AK5: variants seen among roughly 807,000 people sequenced by gnomAD.
The protein encoded by AK5 is adenylate kinase 5.
AK5 carries 27 observed loss-of-function variants against 69.5 expected under a neutral mutation model. The ratio of observed to expected loss-of-function variants is 0.39; its 90% CI spans 0.29 to 0.54. The LOEUF (loss-of-function observed/expected upper bound fraction) is 0.54, where lower values mean the gene tolerates loss of function less well. AK5 is among the 20% of genes least tolerant of loss of function. The probability of loss-of-function intolerance (pLI) is 0.71; values close to 1 mark genes in which losing one functional copy is unlikely to be tolerated. For synonymous variants in AK5, 260 were observed against 244.4 expected, an observed-to-expected ratio of 1.06 and a Z score of -0.60; for missense variants, 531 against 700.4, an observed-to-expected ratio of 0.76 and a Z score of 2.73.
chr1:77,369,190 CAAG>C (rs1647074118), intron 6 of AK5, among the ~76,000 whole-genome samples: 1 of 152,032 alleles, frequency 6.6e-6, no homozygotes, highest in African/African-American at 2.4e-5. Flanking sequence ...TCAGAAAGCT[CAAG>C]TTCAGGGAGG....
intron 10 of AK5, among the ~76,000 whole-genome samples, chr1:77,499,188 C>T (rs1230032457): frequency 6.6e-6 from 1 of 152,226 alleles, no homozygotes; most frequent in Admixed American, 6.5e-5. Flanking sequence ...TCCTTTCCAA[C>T]TTGCTCCAGG....
intron 10 of AK5, among the ~76,000 whole-genome samples, chr1:77,493,334 C>G (rs186698969): frequency 1.1e-4 from 17 of 151,782 alleles, no homozygotes; most frequent in South Asian, 1.1e-3. Flanking sequence ...AGCAGCCCCC[C>G]CCAGGTTCTC....
intron 10 of AK5, 73 bp from the exon 11 acceptor site, chr1:77,518,491 C>A: frequency 6.6e-7 from 1 of 1,504,110 alleles, no homozygotes; most frequent in South Asian, 1.2e-5. Context: ...GAGGCTTGCT[C>A]ACCATGGTGA....
intron 8 of AK5, among the ~76,000 whole-genome samples, chr1:77,437,232 CT>C (rs1243087217): frequency 2.0e-5 from 3 of 152,022 alleles, no homozygotes; most frequent in Non-Finnish European, 4.4e-5. Flanking sequence ...TGATAACATA[CT>C]TGATTGAAGT....
At chr1:77,455,768 C>T (rs892719929) in intron 8 of AK5, among the ~76,000 whole-genome samples, 8 of 152,156 alleles carry the variant, frequency 5.3e-5, no homozygotes, top group African/African-American at 1.9e-4. Context: ...AACCTCCCCA[C>T]GTTCACGCCC....
At chr1:77,473,235 T>G (rs1043812108) in intron 8 of AK5, among the ~76,000 whole-genome samples, 6 of 151,906 alleles carry the variant, frequency 3.9e-5, no homozygotes, top group African/African-American at 1.5e-4. Context: ...TGTTTTGTTT[T>G]GTTTGAGACA....
chr1:77,472,404 C>G (rs1047784964), intron 8 of AK5, among the ~76,000 whole-genome samples: 2 of 152,174 alleles, frequency 1.3e-5, no homozygotes, highest in African/African-American at 2.4e-5. Context: ...CCATGTGTGT[C>G]TCTCTTTTTT....
chr1:77,303,421 A>G (rs1266930426), intron 5 of AK5, among the ~76,000 whole-genome samples: 1 of 152,272 alleles, frequency 6.6e-6, no homozygotes, highest in Non-Finnish European at 1.5e-5. Flanking sequence ...CTTGAATAAC[A>G]TATTTTTAGA....
At chr1:77,480,998 A>G (rs1049395146) in intron 8 of AK5, among the ~76,000 whole-genome samples, 2 of 152,192 alleles carry the variant, frequency 1.3e-5, no homozygotes, top group African/African-American at 4.8e-5. Context: ...TCAGCCTGAG[A>G]CCATGGTGAG....
In AK5 at chr1:77,483,352, T is replaced by C. The variant is rs749765296; in HGVS notation, c.1095T>C (p.Thr365=). 6.2e-7 allele frequency: 1 copy of C among 1,612,388 alleles called. No individual in the cohort carries two copies. The highest frequency in any genetic ancestry group is 8.5e-7 in the Non-Finnish European group (1 of 1,178,568). The change falls in exon 9 of 14, where the codon ACT becomes ACC. Residue 365 remains threonine (T), a synonymous_variant. Coordinates refer to ENST00000354567, the MANE Select transcript of AK5 (RefSeq NM_174858.3). The part of the protein sequence containing the change: ...DDQLNVFGED[T]MGGFMEDLRK... ...AGTTAAATGTATTTGGAGAGGACAC[T>C]ATGGGAGGTGAGTTTTCCTTACTGA...
intron 8 of AK5, among the ~76,000 whole-genome samples, chr1:77,466,860 T>C (rs527491882): frequency 1.3e-5 from 2 of 152,108 alleles, no homozygotes; most frequent in East Asian, 3.9e-4. Flanking sequence ...AACACATGAG[T>C]CTTGGAGGGG....
intron 5 of AK5, among the ~76,000 whole-genome samples, chr1:77,310,180 AG>A (rs1392116323): frequency 3.3e-5 from 5 of 152,150 alleles, no homozygotes; most frequent in African/African-American, 1.2e-4. Context: ...AGTGGTCCAA[AG>A]AACGTTTGTT....
intron 10 of AK5, among the ~76,000 whole-genome samples, chr1:77,506,379 C>T (rs761891169): frequency 3.3e-5 from 5 of 151,952 alleles, no homozygotes; most frequent in Non-Finnish European, 7.4e-5. Flanking sequence ...GTCTGTGTCT[C>T]TGTTCAGAGA....
chr1:77,315,388 G>T (rs1425311654), intron 5 of AK5, among the ~76,000 whole-genome samples: 1 of 151,986 alleles, frequency 6.6e-6, no homozygotes, highest in Admixed American at 6.6e-5. Flanking sequence ...AAAACATAGA[G>T]AATATTTAAG....
chr1:77,466,123 T>C (rs1022898209), intron 8 of AK5, among the ~76,000 whole-genome samples: 2 of 152,186 alleles, frequency 1.3e-5, no homozygotes, highest in African/African-American at 2.4e-5. Flanking sequence ...TTCCCAGCTC[T>C]CTGAGCCCCA....
At chr1:77,322,531 A>T (rs1268853543) in intron 5 of AK5, among the ~76,000 whole-genome samples, 1 of 152,164 alleles carries the variant, frequency 6.6e-6, no homozygotes, top group African/African-American at 2.4e-5. Flanking sequence ...CCATGTGGAG[A>T]TTCTTGGGAT....
chr1:77,376,962 T>G (rs984260332), intron 6 of AK5, among the ~76,000 whole-genome samples: 10 of 152,160 alleles, frequency 6.6e-5, no homozygotes, highest in Non-Finnish European at 1.3e-4. Flanking sequence ...CTTTAATCAT[T>G]AAGTCACACC....
intron 8 of AK5, among the ~76,000 whole-genome samples, chr1:77,434,553 G>A (rs1157425287): frequency 6.6e-6 from 1 of 152,074 alleles, no homozygotes; most frequent in Non-Finnish European, 1.5e-5. Flanking sequence ...ATTACAGAAA[G>A]ACTTCAAAAA....
chr1:77,465,081 A>G (rs920223978), intron 8 of AK5, among the ~76,000 whole-genome samples: 4 of 152,182 alleles, frequency 2.6e-5, no homozygotes, highest in African/African-American at 9.7e-5. Flanking sequence ...CCTGCTCTGC[A>G]CACTGCTTAA....
Sources: allele counts gnomAD v4.1 joint callset (sites outside exome capture counted in the v4.1 genomes callset), GRCh38; gene constraint gnomAD v4.1.1; transcripts MANE v1.5; gene names NCBI Gene and HGNC (gene_info 2026-07-23, HGNC 2026-07-21).